Variants in CXCL13 observed in about 807,000 individuals in gnomAD.
The protein encoded by CXCL13 is C-X-C motif chemokine 13.
A neutral mutation model predicts 12.2 loss-of-function variants in CXCL13; 7 were observed. The observed-to-expected ratio is 0.57, with a 90% confidence interval of 0.33 to 1.07. CXCL13 has a LOEUF of 1.07. Ranked by LOEUF, CXCL13 falls within the 50% of genes least tolerant of loss-of-function variation. The pLI is 0.04. For synonymous variants in CXCL13, 47 were observed against 42.4 expected (o/e 1.11, Z -0.42); for missense variants, 113 against 127.4 (o/e 0.89, Z 0.55).
chr4:77,611,487 C>A lies in CXCL13; in HGVS notation c.*448C>A. ...GCCTGGGAGGCAGATGGAACTTGAGCCTGTCAAGAGGCAAAGGAATCCATG... is the reference window on the plus strand; with the variant it reads ...GCCTGGGAGGCAGATGGAACTTGAGACTGTCAAGAGGCAAAGGAATCCATG... On this transcript the variant is annotated 3_prime_UTR_variant, in exon 4 of 4. Transcript: ENST00000682537. 3 of 392,004 alleles carry A rather than the reference C, an allele frequency of 7.7e-6. No homozygotes were observed. Among genetic ancestry groups the A allele is most frequent in the Non-Finnish European group, 1.3e-5 (3 of 222,810 alleles). 24.3% of individuals were successfully genotyped at this position (392,004 alleles called of 1,614,324 possible). A position where few individuals can be genotyped will look rare whatever the true frequency, so the allele number is the denominator to read the frequency against.
At chr4:77,512,674 A>G (rs1724304253) in intron 1 of CXCL13, among the ~76,000 whole-genome samples, 1 of 152,160 alleles carries the variant, frequency 6.6e-6, no homozygotes, top group African/African-American at 2.4e-5. Context: ...CCCTGTCTCC[A>G]AATACAGTAT....
chr4:77,605,732 T>G (rs1400363545), upstream of CXCL13: 2 of 456,692 alleles, frequency 4.4e-6, no homozygotes, highest in Non-Finnish European at 8.0e-6. Flanking sequence ...CTTTTAAAGC[T>G]GATGATGCAG....
intron 1 of CXCL13, among the ~76,000 whole-genome samples, chr4:77,556,181 C>T (rs1286039037): frequency 6.6e-6 from 1 of 152,134 alleles, no homozygotes. Flanking sequence ...TCATAATATC[C>T]TAAAACTAGA....
chr4:77,569,436 T>A (rs1726011932), intron 1 of CXCL13, among the ~76,000 whole-genome samples: 1 of 152,144 alleles, frequency 6.6e-6, no homozygotes, highest in Admixed American at 6.5e-5. Flanking sequence ...ACCAAATCAA[T>A]GTGCAAAAAT....
chr4:77,521,325 A>C (rs979270726), intron 1 of CXCL13, among the ~76,000 whole-genome samples: 1 of 152,162 alleles, frequency 6.6e-6, no homozygotes, highest in Admixed American at 6.5e-5. Context: ...GGTAGAATTC[A>C]GCTGTGAATC....
chr4:77,563,728 T>C (rs745644624), intron 1 of CXCL13, among the ~76,000 whole-genome samples: 1 of 152,224 alleles, frequency 6.6e-6, no homozygotes, highest in Admixed American at 6.5e-5. Context: ...CAGGGGAATA[T>C]ACAGAAAAAC....
At chr4:77,539,648 A>G (rs1725152576) in intron 1 of CXCL13, among the ~76,000 whole-genome samples, 1 of 151,970 alleles carries the variant, frequency 6.6e-6, no homozygotes, top group African/African-American at 2.4e-5. Context: ...TGCCAGTTAA[A>G]CTCCACCATT....
At chr4:77,574,185 G>T (rs890767943) in intron 1 of CXCL13, among the ~76,000 whole-genome samples, 1 of 151,738 alleles carries the variant, frequency 6.6e-6, no homozygotes, top group Non-Finnish European at 1.5e-5. Flanking sequence ...TTGTTTGTTT[G>T]TTTTTCTTTT....
intron 1 of CXCL13, among the ~76,000 whole-genome samples, chr4:77,559,053 A>G (rs928102259): frequency 6.6e-6 from 1 of 152,206 alleles, no homozygotes; most frequent in African/African-American, 2.4e-5. Context: ...TTCCACCAGT[A>G]TACCATCCAA....
chr4:77,610,018 C>T (rs539764908), intron 2 of CXCL13, among the ~76,000 whole-genome samples: 1 of 152,182 alleles, frequency 6.6e-6, no homozygotes, highest in African/African-American at 2.4e-5. Context: ...TTATAAGTAC[C>T]TGATAAATAT....
At chr4:77,605,055 T>C (rs928695114), upstream of CXCL13, among the ~76,000 whole-genome samples, 2 of 152,138 alleles carry the variant, frequency 1.3e-5, no homozygotes, top group South Asian at 2.1e-4. Flanking sequence ...CAGACTGTAA[T>C]ATGGGGTTCA....
chr4:77,559,096 C>G (rs1038427465), intron 1 of CXCL13, among the ~76,000 whole-genome samples: 2 of 152,206 alleles, frequency 1.3e-5, no homozygotes, highest in Non-Finnish European at 2.9e-5. Context: ...AACAACTAAA[C>G]AACCATCTCA....
At chr4:77,544,088 A>G (rs1725290440) in intron 1 of CXCL13, among the ~76,000 whole-genome samples, 1 of 152,076 alleles carries the variant, frequency 6.6e-6, no homozygotes, top group South Asian at 2.1e-4. Flanking sequence ...ATCCTTTTTT[A>G]TGGCTGCATA....
chr4:77,534,152 G>T (rs1477168939), intron 1 of CXCL13, among the ~76,000 whole-genome samples: 2 of 152,170 alleles, frequency 1.3e-5, no homozygotes, highest in African/African-American at 2.4e-5. Context: ...GACTGGAGTT[G>T]TTCCTATTCG....
intron 1 of CXCL13, among the ~76,000 whole-genome samples, chr4:77,573,321 T>C (rs1474586438): frequency 1.3e-5 from 2 of 151,656 alleles, no homozygotes; most frequent in African/African-American, 4.9e-5. Flanking sequence ...TGTGTTACTA[T>C]CTCAAGACTA....
intron 1 of CXCL13, among the ~76,000 whole-genome samples, chr4:77,576,621 G>A (rs116029364): frequency 2.8e-4 from 43 of 152,194 alleles, no homozygotes; most frequent in Non-Finnish European, 5.7e-4. Flanking sequence ...GGTTTATCTT[G>A]GGACCTTAAG....
intron 1 of CXCL13, among the ~76,000 whole-genome samples, chr4:77,518,075 A>G (rs1724475536): frequency 6.6e-6 from 1 of 152,204 alleles, no homozygotes; most frequent in South Asian, 2.1e-4. Context: ...GCTGGAGATG[A>G]AATTCTGGGT....
chr4:77,563,544 C>A (rs914478283), intron 1 of CXCL13, among the ~76,000 whole-genome samples: 22 of 152,186 alleles, frequency 1.4e-4, no homozygotes, highest in Non-Finnish European at 2.9e-5. Context: ...GAAGAGTAAC[C>A]TTGGCTGCTA....
chr4:77,610,607 C>T lies in CXCL13; in HGVS notation c.198-7C>T, dbSNP rs779237798. ...GACTGAATTATTTAATTTTTATTTTCCCCCAGAGTCTGGAAGAAGAACAAG... is the reference window on the plus strand; with the variant it reads ...GACTGAATTATTTAATTTTTATTTTTCCCCAGAGTCTGGAAGAAGAACAAG... On this transcript the variant is annotated splice_region_variant and splice_polypyrimidine_tract_variant and intron_variant, in intron 2 of 3. Transcript: ENST00000682537. 4 of 1,598,738 alleles carry T rather than the reference C, an allele frequency of 2.5e-6. No homozygotes were observed. The highest frequency in any genetic ancestry group is 1.7e-6 in the Non-Finnish European group (2 of 1,166,182).
Sources: gnomAD v4.1 joint callset for allele counts (sites outside exome capture counted in the v4.1 genomes callset) on GRCh38, gnomAD v4.1.1 for gene constraint, MANE v1.5 for transcripts, NCBI Gene and HGNC (gene_info 2026-07-23, HGNC 2026-07-21) for gene names.